INSR: variants seen among roughly 807,000 people sequenced by gnomAD.
INSR encodes insulin receptor.
A neutral mutation model predicts 142.6 loss-of-function variants in INSR; 67 were observed. That is an observed-to-expected ratio of 0.47 (90% confidence interval 0.39 to 0.58). The LOEUF (loss-of-function observed/expected upper bound fraction) is 0.58. INSR is among the 20% of genes least tolerant of loss of function. INSR has a pLI of 0.00. For missense variants in INSR, 1,248 were observed against 1,833.2 expected (o/e 0.68, Z 5.83); for synonymous variants, 756 against 743.1 (o/e 1.02, Z -0.28).
intron 2 of INSR, among the ~76,000 whole-genome samples, chr19:7,248,769 T>G (rs2145167727): frequency 7.1e-6 from 1 of 140,932 alleles, no homozygotes; most frequent in South Asian, 2.3e-4. Context: ...TTTTTTTTTT[T>G]TTTTTTGAGA....
rs373995681 is a variant in INSR at position 7,174,705 on chromosome 19, G to A, written c.1001C>T (p.Pro334Leu). The A allele has an allele frequency of 2.5e-6, 4 of 1,614,006 alleles. No homozygotes were observed. The highest frequency in any genetic ancestry group is 4.5e-5 in the East Asian group (2 of 44,858). Residue 334 changes from proline (P) to leucine (L), a missense_variant, in exon 4 of 22, where the codon CCC becomes CTC. Around this residue, in one of 3 missense-constraint regions of INSR, gnomAD observed 1,069 missense variants for 1,654.0 expected, o/e 0.65. Transcript: ENST00000302850. Reference sequence around the variant, plus strand: ...TAGGAGGTGGCACACCTTGGGACAGGGACCCAGGCATGGGGTGCACAGCAA... The same window carrying A: ...TAGGAGGTGGCACACCTTGGGACAGAGACCCAGGCATGGGGTGCACAGCAA... ...SNLLCTPCLG[P>L]CPKVCHLLEG...
chr19:7,133,834 C>T (rs1972843068), intron 13 of INSR, among the ~76,000 whole-genome samples: 1 of 152,146 alleles, frequency 6.6e-6, no homozygotes, highest in South Asian at 2.1e-4. Flanking sequence ...TGCACTCCAG[C>T]CTGGGTGACA....
chr19:7,217,562 C>CT (rs1413637851), intron 2 of INSR, among the ~76,000 whole-genome samples: 1 of 152,234 alleles, frequency 6.6e-6, no homozygotes, highest in East Asian at 1.9e-4. Context: ...TATCTTTTTT[C>CT]TTTTTTTCTT....
intron 9 of INSR, among the ~76,000 whole-genome samples, chr19:7,157,516 G>A (rs1191693552): frequency 6.7e-6 from 1 of 149,550 alleles, no homozygotes; most frequent in East Asian, 2.0e-4. Context: ...GCCCGCCTTG[G>A]CCTCCCAAAG....
intron 1 of INSR, among the ~76,000 whole-genome samples, chr19:7,281,105 G>T (rs977748679): frequency 6.6e-6 from 1 of 152,072 alleles, no homozygotes; most frequent in Non-Finnish European, 1.5e-5. Context: ...GGGGGCTTCC[G>T]TGCTATTTCA....
intron 2 of INSR, among the ~76,000 whole-genome samples, chr19:7,218,574 T>C (rs1383736444): frequency 1.3e-5 from 2 of 152,162 alleles, no homozygotes; most frequent in African/African-American, 4.8e-5. Context: ...GAAGTCTCGC[T>C]CTGTTGCCCA....
intron 2 of INSR, among the ~76,000 whole-genome samples, chr19:7,213,341 CA>C (rs11343255): frequency 0.45 from 44,716 of 100,036 alleles, 7,839 homozygotes; most frequent in South Asian, 0.55. Flanking sequence ...GACTCCATCT[CA>C]AAAAAAAAAA....
At chr19:7,251,443 TA>T (rs1445789627) in intron 2 of INSR, among the ~76,000 whole-genome samples, 4 of 151,752 alleles carry the variant, frequency 2.6e-5, no homozygotes, top group Non-Finnish European at 5.9e-5. Flanking sequence ...TTATTTTTAG[TA>T]GAGATGGGGT....
At chr19:7,124,786 G>C (rs1371618810) in intron 17 of INSR, among the ~76,000 whole-genome samples, 1 of 150,564 alleles carries the variant, frequency 6.6e-6, no homozygotes, top group East Asian at 2.0e-4. Context: ...AAGCACATAG[G>C]ACTCAAAGAG....
At chr19:7,207,983 G>A (rs1975162435) in intron 2 of INSR, among the ~76,000 whole-genome samples, 1 of 149,610 alleles carries the variant, frequency 6.7e-6, no homozygotes, top group South Asian at 2.2e-4. Flanking sequence ...AGAAAGAAAA[G>A]AGTTACAAGG....
intron 1 of INSR, among the ~76,000 whole-genome samples, chr19:7,275,786 C>CAA (rs1440947204): frequency 6.2e-4 from 64 of 103,470 alleles, no homozygotes; most frequent in African/African-American, 1.9e-3. Context: ...GACTCCATCT[C>CAA]AAAAAAAAAA....
chr19:7,291,986 G>T (rs1968503886), intron 1 of INSR, among the ~76,000 whole-genome samples: 1 of 151,742 alleles, frequency 6.6e-6, no homozygotes, highest in Non-Finnish European at 1.5e-5. Flanking sequence ...GTAGAGACAG[G>T]GTTTTACCGT....
intron 2 of INSR, among the ~76,000 whole-genome samples, chr19:7,233,257 G>A (rs1405689190): frequency 6.6e-6 from 1 of 152,134 alleles, no homozygotes; most frequent in Non-Finnish European, 1.5e-5. Context: ...GCCTCCCAAA[G>A]TGCTGGGATT....
rs568258210 is a variant in INSR, at chr19:7,279,140, GAAATAAAATA to G, written c.101-11254_101-11245del. On this transcript the variant is annotated intron_variant, in intron 1 of 21. Transcript: ENST00000302850. ...GACACTCCATCTCAAAAAAAGAAAAGAAATAAAATAAAATAAAATAAAATAAATATCCCTC... is the reference window on the plus strand; with the variant it reads ...GACACTCCATCTCAAAAAAAGAAAAGAAATAAAATAAAATAAATATCCCTC... 3.3e-5 allele frequency among the ~76,000 whole-genome samples: 5 copies of G among 151,230 alleles called. No individual in the cohort carries two copies. The East Asian group carries it at 5.8e-4, about 18-fold the overall frequency.
At chr19:7,249,804 A>G (rs1019190126) in intron 2 of INSR, among the ~76,000 whole-genome samples, 64 of 152,296 alleles carry the variant, frequency 4.2e-4, no homozygotes, top group African/African-American at 1.3e-3. Flanking sequence ...CATCCTGGCT[A>G]ACAGGGTGAA....
chr19:7,181,311 C>T (rs548634333), intron 3 of INSR, among the ~76,000 whole-genome samples: 2 of 152,226 alleles, frequency 1.3e-5, no homozygotes, highest in Admixed American at 6.5e-5. Flanking sequence ...TTCAAGGGGA[C>T]TGGGTCAGAC....
chr19:7,197,918 A>AGTGT (rs71864058), intron 2 of INSR, among the ~76,000 whole-genome samples: 1,483 of 100,240 alleles, frequency 0.015, 40 homozygotes, highest in Non-Finnish European at 0.016. Flanking sequence ...CCAGAGTGAG[A>AGTGT]GTGTGTGTGT....
chr19:7,150,603 T>G lies in INSR; in HGVS notation c.2232-71A>C. ...TAGACAGACCACTGGGCTCTGACAC[T>G]TGGAGGCCACATGTGTCCGAGTAAG... On this transcript the variant is annotated intron_variant, in intron 10 of 21. Transcript: ENST00000302850. This position sits in a 1 kb window ranked among gnomAD's most constrained non-coding sequence, Gnocchi z 4.2. 6.8e-7 allele frequency: 1 copy of G among 1,469,758 alleles called. No homozygotes were observed. Among genetic ancestry groups the G allele is most frequent in the Non-Finnish European group, 9.5e-7 (1 of 1,050,390 alleles). 91.0% of individuals were successfully genotyped at this position (1,469,758 alleles called of 1,614,324 possible).
At chr19:7,123,432 G>C (rs941995832) in intron 17 of INSR, among the ~76,000 whole-genome samples, 1 of 151,696 alleles carries the variant, frequency 6.6e-6, no homozygotes, top group Non-Finnish European at 1.5e-5. Flanking sequence ...GCCTCCCAAA[G>C]TGCTGGGATT....
Sources: gnomAD v4.1 joint callset for allele counts (sites outside exome capture counted in the v4.1 genomes callset) on GRCh38, gnomAD v4.1.1 for gene constraint, gnomAD v4.1.1 regional missense constraint, Gnocchi (gnomAD v3.1) non-coding constraint, MANE v1.5 for transcripts, NCBI Gene and HGNC (gene_info 2026-07-23, HGNC 2026-07-21) for gene names.